The following PPP6R2 variants were observed in gnomAD, a reference collection of about 807,000 sequenced individuals.
PPP6R2 encodes the protein serine/threonine-protein phosphatase 6 regulatory subunit 2.
Under a neutral mutation model 100.2 loss-of-function variants are expected in PPP6R2, and 62 were observed. The observed-to-expected ratio is 0.62, with a 90% confidence interval of 0.50 to 0.76. The LOEUF (loss-of-function observed/expected upper bound fraction) is 0.76. Ranked by LOEUF, PPP6R2 falls within the 30% of genes least tolerant of loss-of-function variation. The probability of loss-of-function intolerance (pLI) is 0.00; values close to 1 mark genes in which losing one functional copy is unlikely to be tolerated. For synonymous variants in PPP6R2, 525 were observed against 514.7 expected (o/e 1.02, Z -0.27); for missense variants, 1,142 against 1,276.3 (o/e 0.89, Z 1.60).
intron 1 of PPP6R2, among the ~76,000 whole-genome samples, chr22:50,367,702 A>AT (rs1209072540): frequency 6.6e-6 from 1 of 152,096 alleles, no homozygotes; most frequent in Non-Finnish European, 1.5e-5. Flanking sequence ...TAATTGCTTT[A>AT]TTTTTTGTTT....
Position 50,382,491 on chromosome 22 carries a change from G to C in PPP6R2, c.-17+10341G>C, listed in dbSNP as rs551179359. On this transcript the variant is annotated intron_variant, in intron 2 of 23. Transcript: ENST00000612753. ...CTCACGCCTGTAATCCCAGGCCTGGGCTAGGCAAAAGGGTGAAAATCCGTC... is the reference window on the plus strand; with the variant it reads ...CTCACGCCTGTAATCCCAGGCCTGGCCTAGGCAAAAGGGTGAAAATCCGTC... 8.4e-3 allele frequency among the ~76,000 whole-genome samples: 1,258 copies of C among 149,554 alleles called. 12 individuals are homozygous for C. Among genetic ancestry groups the C allele is most frequent in the African/African-American group, 0.029 (1,198 of 40,662 alleles).
upstream of PPP6R2, among the ~76,000 whole-genome samples, chr22:50,342,584 GCAATACACTGACAA>G (rs200686972): frequency 0.01 from 1,533 of 152,360 alleles, 22 homozygotes; most frequent in African/African-American, 0.035. Flanking sequence ...TGAATCCTGG[GCAATACACTGACAA>G]CTGGAAAAAA....
At chr22:50,353,115 A>T (rs1220770752) in intron 1 of PPP6R2, among the ~76,000 whole-genome samples, 22 of 152,202 alleles carry the variant, frequency 1.4e-4, no homozygotes, top group Admixed American at 1.4e-3. Context: ...TTGCTTTATT[A>T]TTATTTATGT....
At chr22:50,362,880 A>G (rs1163688517) in intron 1 of PPP6R2, among the ~76,000 whole-genome samples, 1 of 152,150 alleles carries the variant, frequency 6.6e-6, no homozygotes, top group East Asian at 1.9e-4. Flanking sequence ...TGTGAGGAAT[A>G]ATTGTCTGCT....
intron 2 of PPP6R2, among the ~76,000 whole-genome samples, chr22:50,388,022 G>T (rs1459436169): frequency 6.6e-6 from 1 of 152,082 alleles, no homozygotes; most frequent in Non-Finnish European, 1.5e-5. Context: ...CAAAACAGTG[G>T]CTGGGCGCCA....
chr22:50,381,494 A>G (rs2053016694), intron 2 of PPP6R2, among the ~76,000 whole-genome samples: 2 of 152,044 alleles, frequency 1.3e-5, no homozygotes, highest in South Asian at 4.1e-4. Flanking sequence ...GCCCCACCTC[A>G]GCATGAGGCA....
chr22:50,417,784 G>A (rs1160020583), intron 6 of PPP6R2, among the ~76,000 whole-genome samples: 1 of 152,206 alleles, frequency 6.6e-6, no homozygotes. Flanking sequence ...GTTGTGGGCT[G>A]ATGGCCTGGC....
chr22:50,438,768 G>C lies in PPP6R2; in HGVS notation c.2128+6G>C. 1 of 1,587,922 alleles carries C rather than the reference G, an allele frequency of 6.3e-7. No homozygotes were observed. Among genetic ancestry groups the C allele is most frequent in the Non-Finnish European group, 8.6e-7 (1 of 1,167,458 alleles). On this transcript the variant is annotated splice_donor_region_variant and intron_variant, in intron 19 of 23. Coordinates refer to ENST00000612753, the MANE Select transcript of PPP6R2 (RefSeq NM_001242898.2). ...TGTGGAGGGTGACTCAGAAGGTGGT[G>C]CTGGGCGCCAGGGGCTGGGAGTGTG...
intron 1 of PPP6R2, among the ~76,000 whole-genome samples, chr22:50,351,219 T>C (rs1311974479): frequency 1.4e-5 from 2 of 142,384 alleles, no homozygotes; most frequent in Non-Finnish European, 3.0e-5. Flanking sequence ...TTTGTATTTT[T>C]AGTAGAGATG....
chr22:50,440,677 A>C, intron 21 of PPP6R2, 145 bp from the exon 22 acceptor site: 5 of 916,992 alleles, frequency 5.5e-6, no homozygotes, highest in African/African-American at 1.6e-5. Context: ...TGTCTGCCTC[A>C]TCATGCGGCT....
intron 2 of PPP6R2, among the ~76,000 whole-genome samples, chr22:50,380,358 C>G (rs1285386521): frequency 6.6e-6 from 1 of 150,612 alleles, no homozygotes; most frequent in African/African-American, 2.4e-5. Flanking sequence ...GCGTGAGCCA[C>G]CACGCCTGAT....
intron 1 of PPP6R2, among the ~76,000 whole-genome samples, chr22:50,368,037 A>G (rs1469255022): frequency 1.3e-5 from 2 of 152,226 alleles, no homozygotes; most frequent in Admixed American, 1.3e-4. Context: ...CGAGGCGGAC[A>G]GAGAGAGAAG....
upstream of PPP6R2, among the ~76,000 whole-genome samples, chr22:50,340,849 T>C (rs892132476): frequency 6.6e-6 from 1 of 151,852 alleles, no homozygotes; most frequent in Non-Finnish European, 1.5e-5. Flanking sequence ...GCAGGGACTT[T>C]GTCGTTCAGC....
At chr22:50,338,038 G>C in the PPP6R2 span, among the ~76,000 whole-genome samples, 1 of 145,144 alleles carries the variant, frequency 6.9e-6, no homozygotes, top group Non-Finnish European at 1.5e-5. Context: ...TGGTGTGTTT[G>C]TGTATGTGTG....
In PPP6R2 at chr22:50,439,998, A is replaced by G; in HGVS notation, c.2323A>G (p.Thr775Ala). The change falls in exon 21 of 24, where the codon ACA (threonine) becomes GCA (alanine). Residue 775 changes from threonine to alanine, a missense_variant. Thr to Ala is a moderately conservative substitution (Grantham distance 58). Transcript: ENST00000612753. ...GCCCAGGTGCAGCTCTCCGGTGGACACAGAATGCAGCCATGCTGAGGGCAG... is the reference window on the plus strand; with the variant it reads ...GCCCAGGTGCAGCTCTCCGGTGGACGCAGAATGCAGCCATGCTGAGGGCAG... The part of the protein sequence containing the change: ...SGPRCSSPVD[T>A]ECSHAEGSRS... 1.2e-6 allele frequency: 2 copies of G among 1,613,578 alleles called. No homozygotes were observed. Among genetic ancestry groups the G allele is most frequent in the African/African-American group, 1.3e-5 (1 of 75,062 alleles).
In PPP6R2 at chr22:50,393,476, A is replaced by G. The variant is rs576172119; in HGVS notation, c.-16-417A>G. ...AGAGACACCTGGGCGCATTCGCCTA[A>G]CAGAACTACAGAGCAAGCAAGAGCA... On this transcript the variant is annotated intron_variant, in intron 2 of 23. Transcript: ENST00000612753. 2.5e-5 allele frequency: 25 copies of G among 985,262 alleles called. No individual in the cohort carries two copies. The Admixed American group carries it at 7.4e-4, about 29-fold the overall frequency. The allele number at this position is 985,262 out of a possible 1,614,324, so 61.0% of individuals were successfully genotyped here.
At chr22:50,413,014 G>A (rs2059987864) in intron 4 of PPP6R2, among the ~76,000 whole-genome samples, 1 of 146,600 alleles carries the variant, frequency 6.8e-6, no homozygotes, top group African/African-American at 2.5e-5. Flanking sequence ...AGGCTGGAGT[G>A]CAATGGTGCG....
intron 2 of PPP6R2, among the ~76,000 whole-genome samples, chr22:50,383,610 T>C (rs2053571792): frequency 6.6e-6 from 1 of 152,140 alleles, no homozygotes; most frequent in African/African-American, 2.4e-5. Flanking sequence ...TTGTTTATGA[T>C]GGAGAATACA....
At chr22:50,394,730 C>T (rs1297541950) in intron 3 of PPP6R2, among the ~76,000 whole-genome samples, 1 of 150,718 alleles carries the variant, frequency 6.6e-6, no homozygotes, top group Admixed American at 6.6e-5. Context: ...TACGGTGAAA[C>T]CCCGTCTCTA....
Sources: gnomAD v4.1 joint callset for allele counts (sites outside exome capture counted in the v4.1 genomes callset) on GRCh38, gnomAD v4.1.1 for gene constraint, MANE v1.5 for transcripts, NCBI Gene and HGNC (gene_info 2026-07-23, HGNC 2026-07-21) for gene names.